Variants in CSMD1 observed in about 807,000 individuals in gnomAD.
CSMD1 encodes CUB and sushi domain-containing protein 1.
Under a neutral mutation model 417.5 loss-of-function variants are expected in CSMD1, and 213 were observed. The ratio of observed to expected loss-of-function variants is 0.51; its 90% confidence interval spans 0.46 to 0.57. The LOEUF (loss-of-function observed/expected upper bound fraction) is 0.57. CSMD1 is among the 20% of genes least tolerant of loss of function. The pLI is 0.00. For missense variants in CSMD1, 6,923 were observed against 4,529.7 expected (o/e 1.53, Z -15.17); for synonymous variants, 2,862 against 1,736.8 (o/e 1.65, Z -16.11).
At chr8:4,218,983 G>C (rs935157404) in intron 3 of CSMD1, among the ~76,000 whole-genome samples, 1 of 152,088 alleles carries the variant, frequency 6.6e-6, no homozygotes, top group Admixed American at 6.6e-5. Context: ...AATACTCCCG[G>C]TGTACAGCAA....
intron 3 of CSMD1, among the ~76,000 whole-genome samples, chr8:4,313,197 G>A (rs1303759195): frequency 6.6e-6 from 1 of 151,942 alleles, no homozygotes; most frequent in African/African-American, 2.4e-5. Flanking sequence ...TAAACCTAGG[G>A]AATAATAACA....
Position 3,630,867 on chromosome 8 carries a change from T to C in CSMD1, c.1010-14070A>G, listed in dbSNP as rs183309390. On this transcript the variant is annotated intron_variant, in intron 7 of 69. Transcript: ENST00000635120. ...ACAGGCAACCAAGAGGAAACCTCAG[T>C]TGGTCTGTTGGTTATATGCATGTGT... Among the ~76,000 whole-genome samples, 1,002 of 152,216 alleles carry C rather than the reference T, an allele frequency of 6.6e-3. 5 individuals carry two copies. Among genetic ancestry groups the C allele is most frequent in the Non-Finnish European group, 0.011 (725 of 67,988 alleles).
At chr8:3,644,252 G>T (rs1010340593) in intron 7 of CSMD1, among the ~76,000 whole-genome samples, 1 of 152,180 alleles carries the variant, frequency 6.6e-6, no homozygotes, top group Non-Finnish European at 1.5e-5. Flanking sequence ...GACACTAACA[G>T]TTGAGAACCA....
At chr8:3,282,591 T>C (rs78397740) in intron 26 of CSMD1, among the ~76,000 whole-genome samples, 3 of 152,118 alleles carry the variant, frequency 2.0e-5, no homozygotes, top group African/African-American at 7.2e-5. Flanking sequence ...GGACTTTTTT[T>C]CCCCCAAGGC....
chr8:3,752,173 G>A (rs7837107), intron 6 of CSMD1, among the ~76,000 whole-genome samples: 14,621 of 152,080 alleles, frequency 0.096, 781 homozygotes, highest in Middle Eastern at 0.13. Flanking sequence ...ACAAGATAAC[G>A]GCAGATATGG....
intron 1 of CSMD1, among the ~76,000 whole-genome samples, chr8:4,751,009 G>A (rs1344083060): frequency 6.6e-6 from 1 of 152,146 alleles, no homozygotes; most frequent in African/African-American, 2.4e-5. Context: ...ACCCTTATAT[G>A]GTGGCTATTT....
intron 6 of CSMD1, among the ~76,000 whole-genome samples, chr8:3,731,086 C>G (rs377074939): frequency 1.2e-4 from 19 of 152,128 alleles, no homozygotes; most frequent in African/African-American, 4.3e-4. Context: ...CACTTTCTTC[C>G]CAATCAAGTT....
chr8:3,807,130 C>G (rs768695278), intron 5 of CSMD1, among the ~76,000 whole-genome samples: 1 of 152,076 alleles, frequency 6.6e-6, no homozygotes, highest in Non-Finnish European at 1.5e-5. Context: ...GGCACATTTC[C>G]TAAAGAAAAG....
chr8:4,951,256 C>T (rs994406148), intron 1 of CSMD1, among the ~76,000 whole-genome samples: 2 of 152,080 alleles, frequency 1.3e-5, no homozygotes, highest in African/African-American at 4.8e-5. Context: ...TGTGTCATTG[C>T]TGATAACGAC....
chr8:4,413,980 G>T (rs1585037703), intron 3 of CSMD1, among the ~76,000 whole-genome samples: 2 of 152,278 alleles, frequency 1.3e-5, no homozygotes, highest in South Asian at 4.1e-4. Flanking sequence ...CTACAACAAT[G>T]TTACACTATG....
At chr8:4,860,491 A>G (rs895902461) in intron 1 of CSMD1, among the ~76,000 whole-genome samples, 1 of 151,670 alleles carries the variant, frequency 6.6e-6, no homozygotes, top group Non-Finnish European at 1.5e-5. Context: ...CTCCCTCATC[A>G]TCTTTTACCA....
intron 11 of CSMD1, among the ~76,000 whole-genome samples, chr8:3,490,456 G>T (rs1818306371): frequency 1.3e-5 from 2 of 152,148 alleles, no homozygotes; most frequent in South Asian, 4.1e-4. Flanking sequence ...AAATTTTGCA[G>T]TTATTTAACA....
At chr8:4,513,930 C>G (rs1432450174) in intron 2 of CSMD1, among the ~76,000 whole-genome samples, 2 of 152,150 alleles carry the variant, frequency 1.3e-5, no homozygotes, top group African/African-American at 4.8e-5. Context: ...TCAAATTTCT[C>G]AAACCTGAGT....
chr8:3,754,518 G>A (rs143132719), intron 5 of CSMD1, among the ~76,000 whole-genome samples: 1 of 151,910 alleles, frequency 6.6e-6, no homozygotes, highest in Non-Finnish European at 1.5e-5. Context: ...GCAGTGGTGC[G>A]ATCTCGGCTC....
At chr8:4,808,998 C>T (rs79534916) in intron 1 of CSMD1, among the ~76,000 whole-genome samples, 9,309 of 152,230 alleles carry the variant, frequency 0.061, 486 homozygotes, top group East Asian at 0.24. Flanking sequence ...GGACATTTTG[C>T]TCTTGATCTT....
At chr8:4,355,876 G>C (rs1457405954) in intron 3 of CSMD1, among the ~76,000 whole-genome samples, 1 of 152,188 alleles carries the variant, frequency 6.6e-6, no homozygotes, top group Non-Finnish European at 1.5e-5. Context: ...ACCAGGCCTT[G>C]CCATTTAAAC....
intron 3 of CSMD1, among the ~76,000 whole-genome samples, chr8:4,415,981 G>A (rs541486423): frequency 2.6e-5 from 4 of 152,258 alleles, no homozygotes; most frequent in South Asian, 2.1e-4. Context: ...AAGTACTGCA[G>A]TTAACTACTT....
At chr8:3,285,165 G>C (rs1050231860) in intron 25 of CSMD1, among the ~76,000 whole-genome samples, 1 of 152,042 alleles carries the variant, frequency 6.6e-6, no homozygotes, top group Admixed American at 6.6e-5. Flanking sequence ...TTACAAGGGA[G>C]GTAAAGTCAC....
chr8:3,077,797 C>A (rs1813795310), intron 49 of CSMD1, among the ~76,000 whole-genome samples: 1 of 152,202 alleles, frequency 6.6e-6, no homozygotes, highest in Non-Finnish European at 1.5e-5. Context: ...TGCCGCTGTG[C>A]CTCTTCAATG....
Sources: allele counts gnomAD v4.1 joint callset (sites outside exome capture counted in the v4.1 genomes callset), GRCh38; gene constraint gnomAD v4.1.1; transcripts MANE v1.5; gene names NCBI Gene and HGNC (gene_info 2026-07-23, HGNC 2026-07-21).